Variants in MRPL13 observed in about 807,000 individuals in gnomAD.
The protein encoded by MRPL13 is large ribosomal subunit protein uL13m.
MRPL13 carries 33 observed loss-of-function variants against 29.0 expected under a neutral mutation model. The ratio of observed to expected loss-of-function variants is 1.14; its 90% confidence interval spans 0.86 to 1.52. The LOEUF (loss-of-function observed/expected upper bound fraction) is 1.52. MRPL13 is among the 40% of genes most tolerant of loss of function. The pLI is 0.00. For synonymous variants in MRPL13, 77 were observed against 68.4 expected (o/e 1.13, Z -0.62); for missense variants, 227 against 216.7 (o/e 1.05, Z -0.30).
In MRPL13 at chr8:120,395,828, T is replaced by C. The variant is rs756333040; in HGVS notation, c.*276A>G. 2.4e-5 allele frequency: 7 copies of C among 292,828 alleles called. No individual in the cohort carries two copies. The highest frequency in any genetic ancestry group is 5.1e-5 in the Admixed American group (1 of 19,506). The allele number at this position is 292,828 out of a possible 1,614,324, so 18.1% of individuals were successfully genotyped here. ...ATACACAGGGTCTGTTTTTTATCAT[T>C]AAATGCAACACTAAATAGTCAACCA... On this transcript the variant is annotated 3_prime_UTR_variant, in exon 7 of 7. Coordinates refer to ENST00000306185, the MANE Select transcript of MRPL13 (RefSeq NM_014078.6).
Position 120,419,873 on chromosome 8 carries a change from C to T in MRPL13, c.372G>A (p.Arg124=), listed in dbSNP as rs759937576. The change falls in exon 5 of 7, where the codon AGG becomes AGA. Residue 124 remains arginine (R), a synonymous_variant. Transcript: ENST00000306185. ...TTACCTCATCTGGAAAAAGATGCAACCTTTCCATCATTGTTCTTCTGTGAA... is the reference window on the plus strand; with the variant it reads ...TTACCTCATCTGGAAAAAGATGCAATCTTTCCATCATTGTTCTTCTGTGAA... ...KNLHRRTMME[R]LHLFPDEYIP... is the part of the protein sequence containing the mutation. 1 of 1,591,852 alleles carries T rather than the reference C, an allele frequency of 6.3e-7. No homozygotes were observed. Among genetic ancestry groups the T allele is most frequent in the Non-Finnish European group, 8.5e-7 (1 of 1,169,598 alleles).
rs144856034 is a variant in MRPL13 at position 120,428,126 on chromosome 8, TAAA to T, written c.246-2763_246-2761del. On this transcript the variant is annotated intron_variant, in intron 3 of 6. Coordinates refer to ENST00000306185, the MANE Select transcript of MRPL13 (RefSeq NM_014078.6). ...AGTAACCAAAACAGCATGGTACTGA[TAAA>T]AAAAAAAAAAAAAAAAAACCAGACA... Among the ~76,000 whole-genome samples the T allele has an allele frequency of 2.8e-3, 310 of 110,356 alleles. 2 individuals are homozygous for T. The highest frequency in any genetic ancestry group is 4.3e-3 in the Middle Eastern group (1 of 232). The allele number at this position is 110,356 out of a possible 152,430, so 72.4% of individuals were successfully genotyped here.
At chr8:120,415,273 A>G (rs1157413448) in intron 5 of MRPL13, 1 of 152,180 alleles carries the variant, frequency 6.6e-6, no homozygotes, top group Non-Finnish European at 1.5e-5. Context: ...TTATAAGGAG[A>G]GTAGATATAA....
intron 5 of MRPL13, chr8:120,414,605 G>T (rs562976257): frequency 1.3e-5 from 2 of 152,122 alleles, no homozygotes; most frequent in Non-Finnish European, 2.9e-5. Flanking sequence ...CCTTCTAAAG[G>T]CTTATAATTT....
intron 2 of MRPL13, among the ~76,000 whole-genome samples, chr8:120,439,318 T>G (rs1813089955): frequency 6.6e-6 from 1 of 152,238 alleles, no homozygotes; most frequent in Admixed American, 6.5e-5. Flanking sequence ...GAGTGCTATT[T>G]AGTGTTCCTA....
intron 2 of MRPL13, among the ~76,000 whole-genome samples, chr8:120,441,902 A>G (rs772299858): frequency 9.9e-5 from 15 of 152,220 alleles, no homozygotes; most frequent in Non-Finnish European, 2.1e-4. Flanking sequence ...TGAATAAAAA[A>G]TATATGATAA....
At chr8:120,422,760 C>G (rs1812888973) in intron 4 of MRPL13, among the ~76,000 whole-genome samples, 1 of 151,640 alleles carries the variant, frequency 6.6e-6, no homozygotes, top group South Asian at 2.1e-4. Context: ...ATTCATCCTT[C>G]TTGTGGGGAT....
intron 6 of MRPL13, among the ~76,000 whole-genome samples, chr8:120,413,671 A>G (rs1812767588): frequency 6.6e-6 from 1 of 152,222 alleles, no homozygotes; most frequent in Non-Finnish European, 1.5e-5. Context: ...AACAATGTGG[A>G]AAACTGAGAA....
chr8:120,431,022 A>T (rs78339715), intron 3 of MRPL13, among the ~76,000 whole-genome samples: 2,692 of 152,284 alleles, frequency 0.018, 81 homozygotes, highest in African/African-American at 0.062. Flanking sequence ...AGCTGAAATT[A>T]CTAAAGACGG....
intron 6 of MRPL13, 41 bp downstream of exon 6, chr8:120,413,950 A>G (rs774383523): frequency 2.7e-6 from 4 of 1,468,702 alleles, no homozygotes; most frequent in Non-Finnish European, 3.6e-6. Flanking sequence ...GAAACAGAGG[A>G]TATCAAAAGA....
At chr8:120,418,406 TG>T in intron 5 of MRPL13, among the ~76,000 whole-genome samples, 1 of 152,228 alleles carries the variant, frequency 6.6e-6, no homozygotes, top group East Asian at 1.9e-4. Context: ...AATCTCCTGA[TG>T]TATGTATTTT....
At chr8:120,422,419 C>G (rs1440570411) in intron 4 of MRPL13, among the ~76,000 whole-genome samples, 1 of 151,234 alleles carries the variant, frequency 6.6e-6, no homozygotes, top group Non-Finnish European at 1.5e-5. Flanking sequence ...TTGCCTTTAG[C>G]AATATTGGTG....
intron 2 of MRPL13, among the ~76,000 whole-genome samples, chr8:120,435,669 T>C (rs1460732878): frequency 1.3e-4 from 20 of 152,126 alleles, no homozygotes; most frequent in Admixed American, 1.3e-3. Context: ...AATGAACATA[T>C]CTGCATGCTT....
At chr8:120,443,603 C>T in intron 1 of MRPL13, among the ~76,000 whole-genome samples, 1 of 151,120 alleles carries the variant, frequency 6.6e-6, no homozygotes, top group African/African-American at 2.4e-5. Flanking sequence ...GATATATTTC[C>T]CTTTACGGTA....
chr8:120,427,241 A>G (rs1812940411), intron 3 of MRPL13, among the ~76,000 whole-genome samples: 1 of 152,200 alleles, frequency 6.6e-6, no homozygotes, highest in African/African-American at 2.4e-5. Flanking sequence ...ATTCAGCTGC[A>G]TATCAAAAGA....
intron 2 of MRPL13, among the ~76,000 whole-genome samples, chr8:120,435,392 C>A (rs1449205237): frequency 6.6e-6 from 1 of 152,060 alleles, no homozygotes; most frequent in East Asian, 1.9e-4. Flanking sequence ...AAGTAGTTGT[C>A]TGTTGTTCCC....
At chr8:120,441,458 T>C (rs1296987509) in intron 2 of MRPL13, among the ~76,000 whole-genome samples, 1 of 152,138 alleles carries the variant, frequency 6.6e-6, no homozygotes, top group Non-Finnish European at 1.5e-5. Flanking sequence ...AGGCTGAGGA[T>C]AGCCAAGGGT....
rs903385530 is a variant in MRPL13 at position 120,408,127 on chromosome 8, C to A, written c.515+5864G>T. ...ACCATCCTGATCCGAAAAAGCTCAACATACATTTAAATAAAATGTTTTTTT... is the reference window on the plus strand; with the variant it reads ...ACCATCCTGATCCGAAAAAGCTCAAAATACATTTAAATAAAATGTTTTTTT... On this transcript the variant is annotated intron_variant, in intron 6 of 6. Transcript: ENST00000306185. 4.6e-5 allele frequency among the ~76,000 whole-genome samples: 7 copies of A among 152,344 alleles called. No individual in the cohort carries two copies. The East Asian group carries it at 7.7e-4, about 17-fold the overall frequency.
chr8:120,443,371 A>T (rs1813149947), intron 1 of MRPL13, 63 bp from the exon 2 acceptor site: 3 of 1,321,472 alleles, frequency 2.3e-6, no homozygotes, highest in Non-Finnish European at 3.0e-6. Flanking sequence ...TTAAAATGGA[A>T]ATACAGTAAT....
Sources: allele counts gnomAD v4.1 joint callset (sites outside exome capture counted in the v4.1 genomes callset), GRCh38; gene constraint gnomAD v4.1.1; transcripts MANE v1.5; gene names NCBI Gene and HGNC (gene_info 2026-07-23, HGNC 2026-07-21).